The following GPC6 variants were observed in gnomAD, a reference collection of about 807,000 sequenced individuals.
The protein encoded by GPC6 is glypican-6.
GPC6 carries 14 observed loss-of-function variants against 55.2 expected under a neutral mutation model. The ratio of observed to expected loss-of-function variants is 0.25; its 90% CI spans 0.17 to 0.40. The LOEUF is 0.40. Among genes scored for constraint, GPC6 ranks in the 10% least tolerant of loss-of-function variants. GPC6 has a pLI of 1.00. For synonymous variants in GPC6, 278 were observed against 259.6 expected, an observed-to-expected ratio of 1.07 and a Z score of -0.68; for missense variants, 641 against 708.5, an observed-to-expected ratio of 0.90 and a Z score of 1.08.
chr13:94,320,987 G>C (rs1423695962), intron 6 of GPC6, among the ~76,000 whole-genome samples: 1 of 152,146 alleles, frequency 6.6e-6, no homozygotes, highest in African/African-American at 2.4e-5. Context: ...TGTCACAAAG[G>C]TTTAGTGTAC....
At chr13:93,948,044 A>G (rs1169630453) in intron 3 of GPC6, among the ~76,000 whole-genome samples, 1 of 152,132 alleles carries the variant, frequency 6.6e-6, no homozygotes, top group Non-Finnish European at 1.5e-5. Context: ...TACTCTTCCA[A>G]TAATAAGAAT....
intron 3 of GPC6, among the ~76,000 whole-genome samples, chr13:93,996,333 A>G (rs988508398): frequency 3.3e-5 from 5 of 152,168 alleles, no homozygotes; most frequent in African/African-American, 1.2e-4. Flanking sequence ...CAGCTACTTC[A>G]TTGTGTGGTT....
chr13:93,450,020 G>A (rs1878166977), intron 1 of GPC6, among the ~76,000 whole-genome samples: 1 of 151,778 alleles, frequency 6.6e-6, no homozygotes. Context: ...TTGACCTCGT[G>A]ACCTGCCTGC....
intron 1 of GPC6, among the ~76,000 whole-genome samples, chr13:93,280,351 T>A (rs1166821898): frequency 6.6e-6 from 1 of 152,216 alleles, no homozygotes; most frequent in Non-Finnish European, 1.5e-5. Context: ...ACCCAAGGTT[T>A]TTTTTATCCA....
At chr13:93,478,960 G>C (rs940168495) in intron 1 of GPC6, among the ~76,000 whole-genome samples, 1 of 152,144 alleles carries the variant, frequency 6.6e-6, no homozygotes, top group African/African-American at 2.4e-5. Flanking sequence ...TGGCTACATG[G>C]GTGTACTCAG....
chr13:94,319,602 G>C (rs931971998), intron 6 of GPC6, among the ~76,000 whole-genome samples: 1 of 152,136 alleles, frequency 6.6e-6, no homozygotes, highest in African/African-American at 2.4e-5. Flanking sequence ...CCTTTACTGA[G>C]AGTTTTATTT....
chr13:93,999,176 C>A (rs1011158120), intron 3 of GPC6, among the ~76,000 whole-genome samples: 2 of 152,184 alleles, frequency 1.3e-5, no homozygotes, highest in African/African-American at 4.8e-5. Context: ...GCTATCCCTC[C>A]CCTAGCTCCC....
chr13:94,221,984 A>G (rs1295011205), intron 4 of GPC6, among the ~76,000 whole-genome samples: 1 of 151,860 alleles, frequency 6.6e-6, no homozygotes, highest in African/African-American at 2.4e-5. Context: ...GTTCTTGACC[A>G]TGTGTTTTCC....
chr13:93,873,041 G>GA (rs1160554638), intron 3 of GPC6, among the ~76,000 whole-genome samples: 3 of 149,800 alleles, frequency 2.0e-5, no homozygotes, highest in Non-Finnish European at 4.4e-5. Context: ...ACAAAATGTA[G>GA]AAAAAAATCC....
intron 2 of GPC6, among the ~76,000 whole-genome samples, chr13:93,672,765 G>A (rs888332449): frequency 6.6e-6 from 1 of 151,782 alleles, no homozygotes; most frequent in African/African-American, 2.4e-5. Flanking sequence ...AGTAGACAGT[G>A]ATGAAATGAT....
intron 3 of GPC6, among the ~76,000 whole-genome samples, chr13:93,851,880 G>T (rs1888414879): frequency 6.6e-6 from 1 of 151,402 alleles, no homozygotes; most frequent in Admixed American, 6.6e-5. Context: ...TTCAAAGTGG[G>T]GATAATAGGA....
At chr13:94,179,841 A>G (rs1045573232) in intron 4 of GPC6, among the ~76,000 whole-genome samples, 1 of 152,158 alleles carries the variant, frequency 6.6e-6, no homozygotes, top group African/African-American at 2.4e-5. Context: ...TGGGGTAATA[A>G]TGTGTCTGCA....
intron 4 of GPC6, among the ~76,000 whole-genome samples, chr13:94,062,896 C>T (rs774406918): frequency 6.6e-6 from 1 of 152,160 alleles, no homozygotes; most frequent in Non-Finnish European, 1.5e-5. Flanking sequence ...GATGAATACC[C>T]TACAGTGATG....
At chr13:94,320,770 G>C (rs1434595851) in intron 6 of GPC6, among the ~76,000 whole-genome samples, 1 of 152,112 alleles carries the variant, frequency 6.6e-6, no homozygotes, top group Admixed American at 6.6e-5. Flanking sequence ...GCCTTTGAAA[G>C]TTTGTTACTT....
intron 4 of GPC6, among the ~76,000 whole-genome samples, chr13:94,178,279 G>A (rs1483518779): frequency 6.6e-6 from 1 of 152,100 alleles, no homozygotes; most frequent in African/African-American, 2.4e-5. Context: ...TTACAGGCAT[G>A]AGCCATCGCA....
chr13:94,168,328 G>A (rs1260204086), intron 4 of GPC6, among the ~76,000 whole-genome samples: 1 of 152,206 alleles, frequency 6.6e-6, no homozygotes, highest in Non-Finnish European at 1.5e-5. Context: ...AGGTCAGCGT[G>A]CTCACGCATA....
intron 4 of GPC6, among the ~76,000 whole-genome samples, chr13:94,133,291 A>AC (rs1887069639): frequency 6.6e-6 from 1 of 151,320 alleles, no homozygotes; most frequent in African/African-American, 2.4e-5. Flanking sequence ...AAAAAAAAAA[A>AC]ACCTTAAGTG....
chr13:93,833,564 T>G (rs1887612374), intron 3 of GPC6, among the ~76,000 whole-genome samples: 1 of 102,142 alleles, frequency 9.8e-6, no homozygotes, highest in Admixed American at 1.0e-4. Flanking sequence ...CATCCTGATT[T>G]GAGTGATTTT....
At chr13:93,970,396 T>A (rs1417043700) in intron 3 of GPC6, among the ~76,000 whole-genome samples, 1 of 152,196 alleles carries the variant, frequency 6.6e-6, no homozygotes. Context: ...GGAGCAGTAA[T>A]TGAGAGTTGC....
Sources: gnomAD v4.1 joint callset for allele counts (sites outside exome capture counted in the v4.1 genomes callset) on GRCh38, gnomAD v4.1.1 for gene constraint, MANE v1.5 for transcripts, NCBI Gene and HGNC (gene_info 2026-07-23, HGNC 2026-07-21) for gene names.